Variants in MERTK observed in about 807,000 individuals in gnomAD.
MERTK encodes the protein MER proto-oncogene, tyrosine kinase, also known as tyrosine-protein kinase Mer.
A neutral mutation model predicts 99.3 loss-of-function variants in MERTK; 69 were observed. The observed-to-expected ratio is 0.70, with a 90% confidence interval of 0.57 to 0.85. The LOEUF (loss-of-function observed/expected upper bound fraction) is 0.85, where lower values mean the gene tolerates loss of function less well. MERTK is among the 40% of genes least tolerant of loss of function. MERTK has a pLI of 0.00. For synonymous variants in MERTK, 426 were observed against 467.6 expected, an observed-to-expected ratio of 0.91 and a Z score of 1.15; for missense variants, 1,125 against 1,249.4, an observed-to-expected ratio of 0.90 and a Z score of 1.50.
At position 112,021,484 on chromosome 2, in the gene MERTK, G is replaced by A; in HGVS notation, c.2252G>A (p.Gly751Asp). Reference sequence around the variant, plus strand: ...GGCCTCTCTAAGAAGATTTACAGTGGCGATTATTACCGCCAAGGCCGCATT... The same window carrying A: ...GGCCTCTCTAAGAAGATTTACAGTGACGATTATTACCGCCAAGGCCGCATT... ...DFGLSKKIYS[G>D]DYYRQGRIAK... The change falls in exon 17 of 19, where the codon GGC becomes GAC. Residue 751 changes from glycine (G) to aspartate (D), a missense_variant. Coordinates refer to ENST00000295408, the MANE Select transcript of MERTK (RefSeq NM_006343.3). 2 of 1,613,860 alleles carry A rather than the reference G, an allele frequency of 1.2e-6. No homozygotes were observed. The highest frequency in any genetic ancestry group is 1.7e-4 in the Middle Eastern group (1 of 6,040).
intron 1 of MERTK, among the ~76,000 whole-genome samples, chr2:111,909,530 T>C (rs1684201782): frequency 1.3e-5 from 2 of 152,098 alleles, no homozygotes; most frequent in Non-Finnish European, 2.9e-5. Flanking sequence ...ATAAGGATAA[T>C]CACCCCAGCA....
chr2:111,992,890 G>A (rs1480782179), intron 8 of MERTK, among the ~76,000 whole-genome samples: 3 of 152,162 alleles, frequency 2.0e-5, no homozygotes, highest in Non-Finnish European at 4.4e-5. Context: ...TAGCCAGCCA[G>A]TCAGAAGTAC....
intron 18 of MERTK, chr2:112,026,184 TG>T (rs781294187): frequency 1.7e-4 from 27 of 154,342 alleles, no homozygotes; most frequent in Middle Eastern, 5.2e-4. Flanking sequence ...TGCCCATTTG[TG>T]GGAGTAGGTT....
chr2:111,917,151 G>A (rs1373985507), intron 1 of MERTK, among the ~76,000 whole-genome samples: 1 of 152,214 alleles, frequency 6.6e-6, no homozygotes, highest in East Asian at 1.9e-4. Flanking sequence ...CCCCAGTAGG[G>A]AGGAGGAGAG....
At chr2:111,918,131 G>A (rs868839631) in intron 1 of MERTK, among the ~76,000 whole-genome samples, 2 of 152,030 alleles carry the variant, frequency 1.3e-5, no homozygotes, top group South Asian at 2.1e-4. Flanking sequence ...ACTACTCTAA[G>A]TCAGAGTTTT....
At chr2:111,919,997 G>T (rs1684424751) in intron 1 of MERTK, among the ~76,000 whole-genome samples, 1 of 151,922 alleles carries the variant, frequency 6.6e-6, no homozygotes, top group African/African-American at 2.4e-5. Context: ...CACTCTCCAT[G>T]CTGCTCTAAG....
chr2:111,968,454 G>C (rs1192139942), intron 6 of MERTK, among the ~76,000 whole-genome samples: 2 of 152,070 alleles, frequency 1.3e-5, no homozygotes. Flanking sequence ...TCCTGTGCAG[G>C]ATTCAGGGCT....
intron 3 of MERTK, 114 bp downstream of exon 3, chr2:111,945,174 G>T (rs1009354854): frequency 1.2e-5 from 9 of 769,946 alleles, no homozygotes; most frequent in Middle Eastern, 2.3e-4. Flanking sequence ...AACTCTGTAT[G>T]CAAACCTTGC....
chr2:112,020,168 G>C (rs1292641376), intron 16 of MERTK, among the ~76,000 whole-genome samples: 1 of 152,192 alleles, frequency 6.6e-6, no homozygotes, highest in African/African-American at 2.4e-5. Flanking sequence ...AATGGGGCCT[G>C]CCCCCTCCCG....
chr2:111,964,881 C>T (rs1352181980), intron 4 of MERTK, among the ~76,000 whole-genome samples: 2 of 152,242 alleles, frequency 1.3e-5, no homozygotes, highest in East Asian at 3.9e-4. Flanking sequence ...ACCCACTTTC[C>T]TTGATATTGG....
chr2:111,910,610 G>GTGTGTATATATA (rs370882764), intron 1 of MERTK, among the ~76,000 whole-genome samples: 4,261 of 143,528 alleles, frequency 0.03, 95 homozygotes, highest in Middle Eastern at 0.069. Context: ...GTGTGTGTGT[G>GTGTGTATATATA]TATATATATA....
chr2:111,934,120 C>T (rs1684723899), intron 2 of MERTK, among the ~76,000 whole-genome samples: 1 of 152,156 alleles, frequency 6.6e-6, no homozygotes, highest in Non-Finnish European at 1.5e-5. Flanking sequence ...TTCAGTCCAT[C>T]ATTGATGGAC....
chr2:112,019,473 C>G lies in MERTK; in HGVS notation c.2140C>G (p.Leu714Val). 6.2e-7 allele frequency: 1 copy of G among 1,613,994 alleles called. No individual in the cohort carries two copies. Among genetic ancestry groups the G allele is most frequent in the Non-Finnish European group, 8.5e-7 (1 of 1,179,910 alleles). Residue 714 changes from leucine to valine, a missense_variant, in exon 16 of 19, where the codon CTG (leucine) becomes GTG (valine). Leu to Val is a conservative substitution (Grantham distance 32). Transcript: ENST00000295408. ...GGATATTGCCCTGGGAATGGAGTAT[C>G]TGAGCAACAGGAATTTTCTTCATCG... is the stretch of plus-strand genomic sequence containing the variant. ...MVDIALGMEY[L>V]SNRNFLHRDL...
chr2:111,944,935 T>G, intron 2 of MERTK, 25 bp from the exon 3 acceptor site: 2 of 1,593,040 alleles, frequency 1.3e-6, no homozygotes, highest in South Asian at 2.2e-5. Flanking sequence ...TCACTGTAAA[T>G]ATCTTCATGT....
At chr2:111,986,159 C>T (rs1427416207) in intron 8 of MERTK, among the ~76,000 whole-genome samples, 1 of 152,200 alleles carries the variant, frequency 6.6e-6, no homozygotes, top group Non-Finnish European at 1.5e-5. Flanking sequence ...TGTTCTGCCT[C>T]ATAGTAAATG....
intron 4 of MERTK, among the ~76,000 whole-genome samples, chr2:111,948,648 G>A (rs1685003077): frequency 1.3e-5 from 2 of 152,214 alleles, no homozygotes; most frequent in South Asian, 4.2e-4. Context: ...GTTGGCATCA[G>A]CAGTTCTGTC....
intron 15 of MERTK, among the ~76,000 whole-genome samples, chr2:112,017,264 C>A (rs916426149): frequency 6.6e-6 from 1 of 152,006 alleles, no homozygotes; most frequent in Non-Finnish European, 1.5e-5. Flanking sequence ...ACACAGAGCA[C>A]CAATTGATGC....
Position 111,929,541 on chromosome 2 carries a change from G to T in MERTK, c.482+1G>T, listed in dbSNP as rs1684630400. On this transcript the variant is annotated splice_donor_variant, in intron 2 of 18. Transcript: ENST00000295408. LOFTEE classifies it high-confidence loss of function. Reference sequence around the variant, plus strand: ...TTACAGCAATAATCGCTTCCTTCAGGTATGTGTTCTTTCTTCCTTTTTTAT... The same window carrying T: ...TTACAGCAATAATCGCTTCCTTCAGTTATGTGTTCTTTCTTCCTTTTTTAT... The T allele has an allele frequency of 6.4e-7, 1 of 1,574,194 alleles. No homozygotes were observed. Among genetic ancestry groups the T allele is most frequent in the Admixed American group, 1.8e-5 (1 of 56,100 alleles).
chr2:111,966,784 C>G (rs1016117588), intron 5 of MERTK, among the ~76,000 whole-genome samples: 4 of 152,134 alleles, frequency 2.6e-5, no homozygotes, highest in African/African-American at 9.7e-5. Flanking sequence ...TGAGTCAAAC[C>G]TTATTCTTCC....
Sources: allele counts gnomAD v4.1 joint callset (sites outside exome capture counted in the v4.1 genomes callset), GRCh38; gene constraint gnomAD v4.1.1; transcripts MANE v1.5; gene names NCBI Gene and HGNC (gene_info 2026-07-23, HGNC 2026-07-21).